The following ARFGAP1 variants were observed in gnomAD, a reference collection of about 807,000 sequenced individuals.
ARFGAP1 encodes the protein ARF GTPase activating protein 1.
ARFGAP1 carries 26 observed loss-of-function variants against 54.0 expected under a neutral mutation model. The ratio of observed to expected loss-of-function variants is 0.48; its 90% CI spans 0.35 to 0.67. The LOEUF is 0.67. ARFGAP1 is among the 30% of genes least tolerant of loss of function. The pLI is 0.00. For synonymous variants in ARFGAP1, 248 were observed against 211.9 expected, an observed-to-expected ratio of 1.17 and a Z score of -1.48; for missense variants, 525 against 535.8, an observed-to-expected ratio of 0.98 and a Z score of 0.20.
chr20:63,286,715 G>C lies in ARFGAP1; in HGVS notation c.911+273G>C, dbSNP rs556693290. Reference sequence around the variant, plus strand: ...CTGTCCTGCCTGTCTCTGCCCTGCTGTGTGCTCTTTGGAACCCTGCAGGAG... The same window carrying C: ...CTGTCCTGCCTGTCTCTGCCCTGCTCTGTGCTCTTTGGAACCCTGCAGGAG... On this transcript the variant is annotated intron_variant, in intron 12 of 12. Coordinates refer to ENST00000370283, the MANE Select transcript of ARFGAP1 (RefSeq NM_018209.4). The C allele has an allele frequency of 1.1e-4, 44 of 409,416 alleles. 1 individual carries two copies. Among genetic ancestry groups the C allele is most frequent in the South Asian group, 7.3e-4 (28 of 38,466 alleles). The allele number at this position is 409,416 out of a possible 1,614,324, so 25.4% of individuals were successfully genotyped here.
At position 63,276,793 on chromosome 20, in the gene ARFGAP1, G is replaced by A. The variant is rs551347161; in HGVS notation, c.342+142G>A. 8.9e-6 allele frequency: 9 copies of A among 1,007,642 alleles called. No individual in the cohort carries two copies. Among genetic ancestry groups the A allele is most frequent in the East Asian group, 5.3e-5 (2 of 37,508 alleles). The allele number at this position is 1,007,642 out of a possible 1,614,324, so 62.4% of individuals were successfully genotyped here. Reference sequence around the variant, plus strand: ...CCCACTGGGCCACACACAACTTGCCGCCCTGGAGCAGAGGCTTCCTGCCCA... The same window carrying A: ...CCCACTGGGCCACACACAACTTGCCACCCTGGAGCAGAGGCTTCCTGCCCA... On this transcript the variant is annotated intron_variant, in intron 4 of 12. Transcript: ENST00000370283. The surrounding 1 kb of genome is among the most constrained non-coding windows in gnomAD (Gnocchi z 5.2).
rs1568731894 is a variant in ARFGAP1 at position 63,277,272 on chromosome 20, C to A, written c.410C>A (p.Pro137His). Reference protein sequence around the residue: ...ESSPAQNWTPPQPRTLPSMVH... With the variant: ...ESSPAQNWTPHQPRTLPSMVH... ...TCACCTGCCCAGAACTGGACCCCACCTCAGCCCAGGACGCTGCCGTCCATG... is the reference window on the plus strand; with the variant it reads ...TCACCTGCCCAGAACTGGACCCCACATCAGCCCAGGACGCTGCCGTCCATG... The change falls in exon 5 of 13, where the codon CCT becomes CAT. Residue 137 changes from proline to histidine, a missense_variant. By Grantham distance (77) the Pro-to-His change is moderately conservative. Transcript: ENST00000370283. 6.2e-7 allele frequency: 1 copy of A among 1,613,124 alleles called. No homozygotes were observed. The highest frequency in any genetic ancestry group is 8.5e-7 in the Non-Finnish European group (1 of 1,179,932).
intron 9 of ARFGAP1, chr20:63,283,890 G>A (rs779771008): frequency 1.2e-5 from 19 of 1,613,312 alleles, no homozygotes; most frequent in African/African-American, 1.1e-4. Flanking sequence ...GGTAAAGCCC[G>A]TGTCTGCTCG....
chr20:63,280,831 G>T (rs2123259869), intron 7 of ARFGAP1, among the ~76,000 whole-genome samples: 1 of 152,354 alleles, frequency 6.6e-6, no homozygotes, highest in Admixed American at 6.5e-5. Context: ...TGATTGAAAT[G>T]AGACGTTTAT....
chr20:63,282,281 T>A (rs545105199), intron 8 of ARFGAP1, among the ~76,000 whole-genome samples: 2 of 152,352 alleles, frequency 1.3e-5, no homozygotes, highest in Admixed American at 1.3e-4. Context: ...CGTTTTCTCG[T>A]CTGCACGGGA....
At chr20:63,283,069 C>G (rs550128062) in intron 9 of ARFGAP1, 1 of 586,576 alleles carries the variant, frequency 1.7e-6, no homozygotes, top group African/African-American at 1.9e-5. Context: ...GGGCCAAACT[C>G]GTTTCCTGTT....
rs762733530 is a variant in ARFGAP1, at chr20:63,277,294, C to T, written c.432C>T (p.Ser144=). 1 of 1,612,486 alleles carries T rather than the reference C, an allele frequency of 6.2e-7. No individual in the cohort carries two copies. Among genetic ancestry groups the T allele is most frequent in the Non-Finnish European group, 8.5e-7 (1 of 1,179,746 alleles). ...CACCTCAGCCCAGGACGCTGCCGTCCATGGTGCACCGGTAGCTGCTCCTCG... is the reference window on the plus strand; with the variant it reads ...CACCTCAGCCCAGGACGCTGCCGTCTATGGTGCACCGGTAGCTGCTCCTCG... ...WTPPQPRTLP[S]MVHRVSGQPQ... The change falls in exon 5 of 13, where the codon TCC becomes TCT. Residue 144 remains serine (S), a synonymous_variant. Coordinates refer to ENST00000370283, the MANE Select transcript of ARFGAP1 (RefSeq NM_018209.4).
rs148760592 is a variant in ARFGAP1 at position 63,275,608 on chromosome 20, C to T, written c.28C>T (p.Leu10Phe). MASPRTRKV[L>F]KEVRVQDENN... is the part of the protein sequence containing the mutation. ...GGCCAGCCCAAGAACCAGGAAGGTTCTTAAAGAAGTCAGGGTGCAGGATGA... is the reference window on the plus strand; with the variant it reads ...GGCCAGCCCAAGAACCAGGAAGGTTTTTAAAGAAGTCAGGGTGCAGGATGA... Residue 10 changes from leucine to phenylalanine, a missense_variant, in exon 2 of 13, where the codon CTT becomes TTT. Transcript: ENST00000370283. 8 of 1,613,808 alleles carry T rather than the reference C, an allele frequency of 5.0e-6. No homozygotes were observed. The highest frequency in any genetic ancestry group is 6.8e-6 in the Non-Finnish European group (8 of 1,180,014).
chr20:63,280,372 G>T (rs1286874341), intron 7 of ARFGAP1, among the ~76,000 whole-genome samples: 1 of 152,170 alleles, frequency 6.6e-6, no homozygotes, highest in Non-Finnish European at 1.5e-5. Flanking sequence ...GGAACCCTGG[G>T]CTCAACCATC....
intron 10 of ARFGAP1, chr20:63,285,401 T>G (rs2067504374): frequency 1.7e-6 from 1 of 574,520 alleles, no homozygotes; most frequent in Non-Finnish European, 3.1e-6. Flanking sequence ...TGGGCTGTCC[T>G]TAGGTCACGT....
At chr20:63,284,598 G>T in intron 9 of ARFGAP1, 1 of 1,324,680 alleles carries the variant, frequency 7.5e-7, no homozygotes, top group Non-Finnish European at 9.7e-7. Context: ...CGGCAGGGCC[G>T]CATGGTGGCG....
At chr20:63,284,107 CG>C in intron 9 of ARFGAP1, 2 of 1,327,250 alleles carry the variant, frequency 1.5e-6, no homozygotes, top group Non-Finnish European at 1.9e-6. Flanking sequence ...GCGCTCCCCC[CG>C]GGCAAAAAAA....
chr20:63,278,572 A>G (rs2067293869), intron 6 of ARFGAP1: 1 of 464,916 alleles, frequency 2.2e-6, no homozygotes, highest in African/African-American at 2.0e-5. Flanking sequence ...AGCATAACAC[A>G]TTTTCTGCGT....
At chr20:63,284,970 G>T (rs375736703) in intron 10 of ARFGAP1, 48 bp downstream of exon 10, 5 of 1,599,600 alleles carry the variant, frequency 3.1e-6, no homozygotes, top group Non-Finnish European at 3.4e-6. Flanking sequence ...TCACTCCAGG[G>T]GACGTGGGTG....
Position 63,276,130 on chromosome 20 carries a change from A to G in ARFGAP1, c.100A>G (p.Ser34Gly). The change falls in exon 3 of 13, where the codon AGT (serine) becomes GGT (glycine). Residue 34 changes from serine (S) to glycine (G), a missense_variant. Ser to Gly is a moderately conservative substitution (Grantham distance 56, BLOSUM62 0). Transcript: ENST00000370283. The surrounding 1 kb of genome is among the most constrained non-coding windows in gnomAD (Gnocchi z 5.2). ...ECGAFNPQWV[S>G]VTYGIWICLE... ...TGGCGCGTTCAATCCTCAGTGGGTCAGTGTGACCTACGGCATCTGGATCTG... is the reference window on the plus strand; with the variant it reads ...TGGCGCGTTCAATCCTCAGTGGGTCGGTGTGACCTACGGCATCTGGATCTG... 3.7e-6 allele frequency: 6 copies of G among 1,614,066 alleles called. No homozygotes were observed. The highest frequency in any genetic ancestry group is 5.1e-6 in the Non-Finnish European group (6 of 1,180,036).
In ARFGAP1 at chr20:63,281,305, C is replaced by T. The variant is rs374925495; in HGVS notation, c.642C>T (p.Phe214=). 5.6e-6 allele frequency: 9 copies of T among 1,602,212 alleles called. No individual in the cohort carries two copies. In the African/African-American group the frequency reaches 6.7e-5, roughly 12 times the overall value. ...GCCTCCCTCAGGGCTGGAGCAGCTT[C>T]ACCACTGGAGCCAGCCGGTTTGCCT... ...MSSLYSGWSS[F]TTGASRFASA... is the part of the protein sequence containing the mutation. Residue 214 remains phenylalanine, a synonymous_variant, in exon 8 of 13, where the codon TTC becomes TTT. Coordinates refer to ENST00000370283, the MANE Select transcript of ARFGAP1 (RefSeq NM_018209.4).
rs1447800898 is a variant in ARFGAP1, at chr20:63,287,585, T to C, written c.933T>C (p.Tyr311=). ...PLDSPSEGHS[Y]QNSGLDHFQN... Reference sequence around the variant, plus strand: ...AAAGCCCCTCGGAGGGCCACAGTTATCAGAACAGCGGTCTGGACCACTTCC... The same window carrying C: ...AAAGCCCCTCGGAGGGCCACAGTTACCAGAACAGCGGTCTGGACCACTTCC... Residue 311 remains tyrosine (Y), a synonymous_variant, in exon 13 of 13, where the codon TAT becomes TAC. Coordinates refer to ENST00000370283, the MANE Select transcript of ARFGAP1 (RefSeq NM_018209.4). 5.6e-6 allele frequency: 9 copies of C among 1,594,980 alleles called. No homozygotes were observed. Among genetic ancestry groups the C allele is most frequent in the East Asian group, 2.3e-5 (1 of 44,372 alleles).
intron 9 of ARFGAP1, chr20:63,283,511 G>A: frequency 2.8e-6 from 1 of 351,200 alleles, no homozygotes; most frequent in South Asian, 5.0e-5. Flanking sequence ...GGGCGAGGGT[G>A]TCCTTTCTCA....
intron 7 of ARFGAP1, 25 bp from the exon 8 acceptor site, chr20:63,281,266 G>T: frequency 6.3e-7 from 1 of 1,587,602 alleles, no homozygotes. Context: ...GTCCTGATGT[G>T]GCTGCTCTTT....
Sources: allele counts gnomAD v4.1 joint callset (sites outside exome capture counted in the v4.1 genomes callset), GRCh38; gene constraint gnomAD v4.1.1; non-coding constraint Gnocchi (gnomAD v3.1); transcripts MANE v1.5; gene names NCBI Gene and HGNC (gene_info 2026-07-23, HGNC 2026-07-21).